ABR: variants seen among roughly 807,000 people sequenced by gnomAD.
ABR encodes the protein active breakpoint cluster region-related protein.
Under a neutral mutation model 107.2 loss-of-function variants are expected in ABR, and 35 were observed. That is an observed-to-expected ratio of 0.33 (90% CI 0.25 to 0.43). ABR has a LOEUF of 0.43. ABR is among the 20% of genes least tolerant of loss of function. The probability of loss-of-function intolerance (pLI) is 1.00; values close to 1 mark genes in which losing one functional copy is unlikely to be tolerated. For synonymous variants in ABR, 498 were observed against 462.0 expected, an observed-to-expected ratio of 1.08 and a Z score of -1.00; for missense variants, 815 against 1,115.2, an observed-to-expected ratio of 0.73 and a Z score of 3.83.
At chr17:1,171,714 C>G (rs2041717110) in intron 1 of ABR, among the ~76,000 whole-genome samples, 1 of 151,990 alleles carries the variant, frequency 6.6e-6, no homozygotes, top group African/African-American at 2.4e-5. Flanking sequence ...GGCGGATCAC[C>G]TGAGGTCAGG....
At chr17:1,101,553 C>T (rs970763732) in intron 2 of ABR, among the ~76,000 whole-genome samples, 1 of 152,022 alleles carries the variant, frequency 6.6e-6, no homozygotes, top group African/African-American at 2.4e-5. Context: ...TGCCAAGGAC[C>T]GAGTATGAAT....
chr17:1,162,281 T>C (rs2151572082), intron 1 of ABR, among the ~76,000 whole-genome samples: 1 of 152,282 alleles, frequency 6.6e-6, no homozygotes, highest in Middle Eastern at 3.4e-3. Context: ...CCCCAGGACA[T>C]ACGTGGGACA....
chr17:1,078,760 C>T lies in ABR; in HGVS notation c.700+570G>A, dbSNP rs746207865. ...CGGCCACATCTAAGCCCACTCCAGC[C>T]GGCCCCCAGAGGTGGGAGGGTCCGC... On this transcript the variant is annotated intron_variant, in intron 6 of 22. Coordinates refer to ENST00000302538, the MANE Select transcript of ABR (RefSeq NM_021962.5). The surrounding 1 kb of genome is among the most constrained non-coding windows in gnomAD (Gnocchi z 7.5). 19 of 1,520,130 alleles carry T rather than the reference C, an allele frequency of 1.2e-5. No individual in the cohort carries two copies. The highest frequency in any genetic ancestry group is 1.3e-5 in the Non-Finnish European group (15 of 1,133,742). The allele number at this position is 1,520,130 out of a possible 1,614,324, so 94.2% of individuals were successfully genotyped here. A position where few individuals can be genotyped will look rare whatever the true frequency, so the allele number is the denominator to read the frequency against.
rs979677396 is a variant in ABR at position 1,121,049 on chromosome 17, C to T, written c.246+4134G>A. 2.0e-5 allele frequency among the ~76,000 whole-genome samples: 3 copies of T among 152,328 alleles called. 1 individual carries two copies. The highest frequency in any genetic ancestry group is 2.1e-4 in the South Asian group (1 of 4,830). On this transcript the variant is annotated intron_variant, in intron 2 of 22. Coordinates refer to ENST00000302538, the MANE Select transcript of ABR (RefSeq NM_021962.5). ...TCTCAGAGTGAAACTGGGCAGTCTC[C>T]GCTGAATGGAGCCACCCGTGGTCTG...
chr17:1,168,653 T>C (rs894597209), intron 1 of ABR, among the ~76,000 whole-genome samples: 2 of 152,078 alleles, frequency 1.3e-5, no homozygotes, highest in Non-Finnish European at 2.9e-5. Flanking sequence ...CCACAGGCAG[T>C]TGGAAAGGGA....
In ABR at chr17:1,057,305, GGTTTGTGTGTGTGTGTGTGTGTGTGT is replaced by G. The variant is rs1240923688; in HGVS notation, c.1382-229_1382-204del. Among the ~76,000 whole-genome samples the G allele has an allele frequency of 4.3e-4, 58 of 136,412 alleles. 2 individuals carry two copies. The highest frequency in any genetic ancestry group is 9.0e-4 in the East Asian group (4 of 4,440). 89.5% of individuals were successfully genotyped at this position (136,412 alleles called of 152,430 possible). A position where few individuals can be genotyped will look rare whatever the true frequency, so the allele number is the denominator to read the frequency against. ...CAGAGTAGGAGAATCTAACTGAAGA[GGTTTGTGTGTGTGTGTGTGTGTGTGT>G]GTGTGTGTGTGTGTGTGTGTGTGTG... On this transcript the variant is annotated intron_variant, in intron 12 of 22. Transcript: ENST00000302538.
intron 3 of ABR, 102 bp downstream of exon 3, chr17:1,100,506 GCAGACTCTGTCCACAGGGAGGGACGGGTA>G: frequency 3.7e-6 from 3 of 819,392 alleles, no homozygotes; most frequent in Non-Finnish European, 5.8e-6. Flanking sequence ...CAGACCAGCT[GCAGACTCTGTCCACAGGGAGGGACGGGTA>G]CGGTCCCCTT....
intron 16 of ABR, among the ~76,000 whole-genome samples, chr17:1,022,944 C>T (rs1271942539): frequency 2.0e-5 from 3 of 152,252 alleles, no homozygotes; most frequent in South Asian, 2.1e-4. Flanking sequence ...TCTTAGCACC[C>T]GCAGCAACCT....
intron 6 of ABR, among the ~76,000 whole-genome samples, chr17:1,077,601 G>A (rs577001096): frequency 6.6e-6 from 1 of 152,256 alleles, no homozygotes; most frequent in Admixed American, 6.5e-5. Flanking sequence ...AAGGTCAGGG[G>A]GCACTGGCCC....
intron 1 of ABR, among the ~76,000 whole-genome samples, chr17:1,214,962 A>G (rs2042970871): frequency 6.6e-6 from 1 of 151,992 alleles, no homozygotes; most frequent in Admixed American, 6.6e-5. Flanking sequence ...GCTCACGCCT[A>G]TAGTCCCAGC....
At position 1,179,851 on chromosome 17, in the gene ABR, A is replaced by T; in HGVS notation, c.-124T>A. On this transcript the variant is annotated 5_prime_UTR_variant, in exon 1 of 23. Transcript: ENST00000302538. This position sits in a 1 kb window ranked among gnomAD's most constrained non-coding sequence, Gnocchi z 4.9. ...CGGAGGGGCGAGGAGGCCGGGAACC[A>T]GGTCCCCGGGAGGAGCGCGGGGCGG... The T allele has an allele frequency of 1.0e-6, 1 of 1,004,518 alleles. No individual in the cohort carries two copies. Among genetic ancestry groups the T allele is most frequent in the Non-Finnish European group, 1.3e-6 (1 of 748,002 alleles). 62.2% of individuals were successfully genotyped at this position (1,004,518 alleles called of 1,614,324 possible). A position where few individuals can be genotyped will look rare whatever the true frequency, so the allele number is the denominator to read the frequency against.
At chr17:1,022,909 C>T (rs139988418) in intron 16 of ABR, among the ~76,000 whole-genome samples, 4 of 152,382 alleles carry the variant, frequency 2.6e-5, no homozygotes, top group African/African-American at 4.8e-5. Context: ...CTCTGAACGA[C>T]GCTTTTGTCC....
In ABR at chr17:1,079,520, G is replaced by A. The variant is rs1025907027; in HGVS notation, c.640-130C>T. 1.9e-4 allele frequency: 165 copies of A among 857,368 alleles called. 1 individual carries two copies. Among genetic ancestry groups the A allele is most frequent in the Non-Finnish European group, 2.8e-4 (148 of 533,014 alleles). 53.1% of individuals were successfully genotyped at this position (857,368 alleles called of 1,614,324 possible). ...TATGAGAACAGAGGCCGGGTGTGGC[G>A]GCTCACGCCAGTCATCCCAGCACTT... On this transcript the variant is annotated intron_variant, in intron 5 of 22. Coordinates refer to ENST00000302538, the MANE Select transcript of ABR (RefSeq NM_021962.5).
intron 1 of ABR, among the ~76,000 whole-genome samples, chr17:1,168,434 C>A (rs2041594687): frequency 6.6e-6 from 1 of 152,190 alleles, no homozygotes; most frequent in Admixed American, 6.5e-5. Flanking sequence ...GGTAGCTGAG[C>A]TGAGGCTTGA....
chr17:1,031,714 A>C (rs2072784652), intron 16 of ABR: 1 of 1,248,552 alleles, frequency 8.0e-7, no homozygotes, highest in African/African-American at 1.6e-5. Context: ...TTCGGGCTGC[A>C]GTCGGGCTGG....
At chr17:1,121,504 C>T (rs1014981023) in intron 2 of ABR, among the ~76,000 whole-genome samples, 45 of 152,170 alleles carry the variant, frequency 3.0e-4, no homozygotes, top group Non-Finnish European at 1.0e-4. Context: ...AATTCCGCAG[C>T]ATCTTCCTGC....
chr17:1,158,812 T>C (rs1368914866), intron 1 of ABR, among the ~76,000 whole-genome samples: 2 of 151,204 alleles, frequency 1.3e-5, no homozygotes, highest in Non-Finnish European at 2.9e-5. Flanking sequence ...AACCCTTACA[T>C]TTCACAGCTG....
In ABR at chr17:1,064,674, C is replaced by T. The variant is rs1467020380; in HGVS notation, c.1182+2403G>A. ...CATGTTCCTCTAGACACTGTTGTTA[C>T]GTGAACTGAGGGCTATACATGTTCC... On this transcript the variant is annotated intron_variant, in intron 10 of 22. Transcript: ENST00000302538. 3.1e-3 allele frequency among the ~76,000 whole-genome samples: 310 copies of T among 100,044 alleles called. 3 individuals are homozygous for T. Among genetic ancestry groups the T allele is most frequent in the African/African-American group, 0.011 (283 of 25,394 alleles). 65.6% of individuals were successfully genotyped at this position (100,044 alleles called of 152,430 possible).
At chr17:1,065,794 G>A (rs866040528) in intron 10 of ABR, among the ~76,000 whole-genome samples, 1 of 143,314 alleles carries the variant, frequency 7.0e-6, no homozygotes, top group African/African-American at 2.6e-5. Context: ...TGCTCAGGCT[G>A]GAGTGCAGCA....
Sources: gnomAD v4.1 joint callset for allele counts (sites outside exome capture counted in the v4.1 genomes callset) on GRCh38, gnomAD v4.1.1 for gene constraint, Gnocchi (gnomAD v3.1) non-coding constraint, MANE v1.5 for transcripts, NCBI Gene and HGNC (gene_info 2026-07-23, HGNC 2026-07-21) for gene names.